SMAP2: variants seen among roughly 807,000 people sequenced by gnomAD.
SMAP2 encodes the protein small ArfGAP2, also known as stromal membrane-associated protein 2.
A neutral mutation model predicts 56.4 loss-of-function variants in SMAP2; 25 were observed. The observed-to-expected ratio is 0.44, with a 90% CI of 0.32 to 0.62. The LOEUF is 0.62. Ranked by LOEUF, SMAP2 falls within the 20% of genes least tolerant of loss-of-function variation. SMAP2 has a pLI of 0.04. For synonymous variants in SMAP2, 157 were observed against 181.7 expected (o/e 0.86, Z 1.09); for missense variants, 388 against 545.6 (o/e 0.71, Z 2.88).
rs146699197 is a variant in SMAP2, at chr1:40,386,841, T to C, written c.103+12618T>C. On this transcript the variant is annotated intron_variant, in intron 1 of 9. Transcript: ENST00000372718. The surrounding 1 kb of genome is among the most constrained non-coding windows in gnomAD (Gnocchi z 4.1). ...GAAAAATATAATGATGCTGAAGGTA[T>C]TTTTCATAATTCTTTTTTTTTTTTT... Among the ~76,000 whole-genome samples, 301 of 151,082 alleles carry C rather than the reference T, an allele frequency of 2.0e-3. 5 individuals are homozygous for C. The South Asian group carries it at 0.031, about 16-fold the overall frequency.
upstream of SMAP2, among the ~76,000 whole-genome samples, chr1:40,371,399 C>G (rs534550100): frequency 6.6e-6 from 1 of 152,262 alleles, no homozygotes; most frequent in African/African-American, 2.4e-5. Flanking sequence ...AGAGCTAATA[C>G]TTGATGTATC....
intron 1 of SMAP2, among the ~76,000 whole-genome samples, chr1:40,390,582 C>T (rs1172250329): frequency 6.6e-6 from 1 of 152,136 alleles, no homozygotes; most frequent in Admixed American, 6.5e-5. Context: ...AAGAAATCTT[C>T]ACAATCAGTC....
intron 2 of SMAP2, 56 bp downstream of exon 2, chr1:40,406,925 CA>C: frequency 4.0e-6 from 6 of 1,505,488 alleles, no homozygotes; most frequent in Non-Finnish European, 5.4e-6. Flanking sequence ...AAAGGAATTC[CA>C]GATGAATTTC....
At chr1:40,370,901 G>A (rs978895585), upstream of SMAP2, among the ~76,000 whole-genome samples, 13 of 151,678 alleles carry the variant, frequency 8.6e-5, no homozygotes, top group African/African-American at 7.3e-5. Context: ...CTGGCCAGGC[G>A]CGGTGGCTCA....
At chr1:40,396,527 T>C (rs1460653332) in intron 1 of SMAP2, among the ~76,000 whole-genome samples, 1 of 152,240 alleles carries the variant, frequency 6.6e-6, no homozygotes, top group Non-Finnish European at 1.5e-5. Context: ...TATGCTCTTT[T>C]TTCAACAGTA....
chr1:40,361,042 C>A (rs572793998), intron 1 of SMAP2, among the ~76,000 whole-genome samples: 28 of 152,350 alleles, frequency 1.8e-4, no homozygotes, highest in African/African-American at 6.3e-4. Flanking sequence ...CTTTTGCCAT[C>A]CCTTCCCCAA....
Position 40,416,916 on chromosome 1 carries a change from GATGGTTGCCCCC to G in SMAP2, c.989_1000del (p.Val330_Met333del). The G allele has an allele frequency of 6.2e-7, 1 of 1,614,228 alleles. No homozygotes were observed. Among genetic ancestry groups the G allele is most frequent in the Non-Finnish European group, 8.5e-7 (1 of 1,180,036 alleles). The stretch of plus-strand genomic sequence containing the variant: ...TGGTTGCTCAGCCAGGAGCTTCTGG[GATGGTTGCCCCC>G]ATGGCCATGCCTGCAGGCTATATGG... On this transcript the variant is annotated inframe_deletion, in exon 9 of 10. Coordinates refer to ENST00000372718, the MANE Select transcript of SMAP2 (RefSeq NM_022733.3).
At chr1:40,409,905 G>T in intron 4 of SMAP2, 70 bp downstream of exon 4, 1 of 1,036,730 alleles carries the variant, frequency 9.6e-7, no homozygotes, top group South Asian at 1.3e-5. Context: ...CAGAGAACAC[G>T]TTGAAGAACT....
intron 1 of SMAP2, among the ~76,000 whole-genome samples, chr1:40,381,334 G>A (rs1447326515): frequency 6.6e-6 from 1 of 152,166 alleles, no homozygotes; most frequent in African/African-American, 2.4e-5. Flanking sequence ...TATAAATGAT[G>A]CAATACAGAA....
At chr1:40,347,762 T>A (rs760284058) in intron 1 of SMAP2, among the ~76,000 whole-genome samples, 1 of 152,224 alleles carries the variant, frequency 6.6e-6, no homozygotes, top group Non-Finnish European at 1.5e-5. Flanking sequence ...TGTTTTAGGA[T>A]ATTAACAATT....
Position 40,374,187 on chromosome 1 carries a change from G to C in SMAP2, c.67G>C (p.Glu23Gln). ...QAVLANLLLE[E>Q]DNKFCADCQS... Reference sequence around the variant, plus strand: ...TGTCCTGGCCAACCTGCTGCTGGAGGAGGATAACAAGTTTTGTGCAGATTG... The same window carrying C: ...TGTCCTGGCCAACCTGCTGCTGGAGCAGGATAACAAGTTTTGTGCAGATTG... The change falls in exon 1 of 10, where the codon GAG (glutamate) becomes CAG (glutamine). Residue 23 changes from glutamate (E) to glutamine (Q), a missense_variant. Transcript: ENST00000372718. The surrounding 1 kb of genome is among the most constrained non-coding windows in gnomAD (Gnocchi z 5.9). 1 of 1,613,722 alleles carries C rather than the reference G, an allele frequency of 6.2e-7. No individual in the cohort carries two copies. Among genetic ancestry groups the C allele is most frequent in the Non-Finnish European group, 8.5e-7 (1 of 1,179,856 alleles).
chr1:40,417,716 G>C (rs1645003763), intron 9 of SMAP2, among the ~76,000 whole-genome samples: 1 of 152,138 alleles, frequency 6.6e-6, no homozygotes, highest in Non-Finnish European at 1.5e-5. Context: ...GCTTCTCGGG[G>C]AGATGGGCAT....
intron 1 of SMAP2, among the ~76,000 whole-genome samples, chr1:40,391,168 C>A (rs1166952236): frequency 1.3e-5 from 2 of 152,066 alleles, no homozygotes; most frequent in Admixed American, 1.3e-4. Flanking sequence ...GAGGGGAAAT[C>A]GTTTCTGTTG....
Position 40,386,966 on chromosome 1 carries a change from T to TCTCAGC in SMAP2, c.103+12746_103+12751dup, listed in dbSNP as rs556070251. ...CTATCAGGCTTAAGCAGTTCTTCTG[T>TCTCAGC]CTCAGCCTTCATAGTAGCTGGGACT... On this transcript the variant is annotated intron_variant, in intron 1 of 9. Transcript: ENST00000372718. The surrounding 1 kb of genome is among the most constrained non-coding windows in gnomAD (Gnocchi z 4.1). 9.0e-4 allele frequency among the ~76,000 whole-genome samples: 137 copies of TCTCAGC among 151,850 alleles called. 1 individual carries two copies. The highest frequency in any genetic ancestry group is 3.2e-3 in the African/African-American group (132 of 41,398).
chr1:40,370,722 G>A (rs964155934), upstream of SMAP2, among the ~76,000 whole-genome samples: 1 of 114,252 alleles, frequency 8.8e-6, no homozygotes, highest in Non-Finnish European at 1.7e-5. Context: ...AGGGGGAGGG[G>A]GGAGGGATAG....
At chr1:40,406,983 A>AAGTGTTT in intron 2 of SMAP2, 114 bp downstream of exon 2, 2 of 1,149,224 alleles carry the variant, frequency 1.7e-6, no homozygotes, top group Non-Finnish European at 2.4e-6. Context: ...TTTAGTTGTT[A>AAGTGTTT]AACACTTAAC....
chr1:40,406,940 C>A, intron 2 of SMAP2, 71 bp downstream of exon 2: 1 of 1,486,396 alleles, frequency 6.7e-7, no homozygotes, highest in Non-Finnish European at 9.1e-7. Flanking sequence ...GAATTTCAGT[C>A]AAACCTGGCA....
At chr1:40,421,889 G>A in intron 9 of SMAP2, 87 bp from the exon 10 acceptor site, 1 of 1,485,388 alleles carries the variant, frequency 6.7e-7, no homozygotes, top group South Asian at 1.2e-5. Flanking sequence ...CCCCATCCTG[G>A]CAGAGAAAGG....
chr1:40,346,920 G>A (rs575311314), intron 1 of SMAP2, among the ~76,000 whole-genome samples: 1 of 151,860 alleles, frequency 6.6e-6, no homozygotes, highest in South Asian at 2.1e-4. Context: ...CACAATCATA[G>A]CTCACTGCAG....
Sources: allele counts gnomAD v4.1 joint callset (sites outside exome capture counted in the v4.1 genomes callset), GRCh38; gene constraint gnomAD v4.1.1; non-coding constraint Gnocchi (gnomAD v3.1); transcripts MANE v1.5; gene names NCBI Gene and HGNC (gene_info 2026-07-23, HGNC 2026-07-21).